The following TRPC4 variants were observed in gnomAD, a reference collection of about 807,000 sequenced individuals.
The protein encoded by TRPC4 is short transient receptor potential channel 4.
Under a neutral mutation model 99.4 loss-of-function variants are expected in TRPC4, and 49 were observed. That is an observed-to-expected ratio of 0.49 (90% CI 0.39 to 0.63). The LOEUF (loss-of-function observed/expected upper bound fraction) is 0.63, where lower values mean the gene tolerates loss of function less well. TRPC4 is among the 20% of genes least tolerant of loss of function. The probability of loss-of-function intolerance (pLI) is 0.00; values close to 1 mark genes in which losing one functional copy is unlikely to be tolerated. For synonymous variants in TRPC4, 454 were observed against 425.9 expected, an observed-to-expected ratio of 1.07 and a Z score of -0.81; for missense variants, 898 against 1,152.9, an observed-to-expected ratio of 0.78 and a Z score of 3.20.
intron 5 of TRPC4, among the ~76,000 whole-genome samples, chr13:37,668,137 G>T (rs1291085410): frequency 6.6e-6 from 1 of 152,182 alleles, no homozygotes; most frequent in Non-Finnish European, 1.5e-5. Flanking sequence ...AAGAAATCAA[G>T]AACTACTTTA....
intron 1 of TRPC4, among the ~76,000 whole-genome samples, chr13:37,807,892 A>C (rs1452729700): frequency 6.6e-6 from 1 of 152,026 alleles, no homozygotes; most frequent in African/African-American, 2.4e-5. Flanking sequence ...GCAAATTGTT[A>C]ATTTTAAGTG....
intron 3 of TRPC4, among the ~76,000 whole-genome samples, chr13:37,708,502 C>T (rs569965166): frequency 6.6e-6 from 1 of 151,928 alleles, no homozygotes; most frequent in East Asian, 1.9e-4. Flanking sequence ...TTTTTTCCTT[C>T]CCTAATTTCA....
rs370152461 is a variant in TRPC4 at position 37,643,974 on chromosome 13, T to G, written c.2080-4675A>C. Among the ~76,000 whole-genome samples the G allele has an allele frequency of 4.6e-5, 7 of 152,284 alleles. No homozygotes were observed. In the East Asian group the frequency reaches 1.4e-3, roughly 29 times the overall value. On this transcript the variant is annotated intron_variant, in intron 8 of 10. Coordinates refer to ENST00000379705, the MANE Select transcript of TRPC4 (RefSeq NM_016179.4). ...ACAAGGACCCTATTCTAGTATAATC[T>G]CGCCTTAACTAAGTATGTCTGCAAT...
chr13:37,776,722 C>T (rs74047173), intron 2 of TRPC4, among the ~76,000 whole-genome samples: 324 of 151,922 alleles, frequency 2.1e-3, no homozygotes, highest in African/African-American at 7.5e-3. Flanking sequence ...AAAGTTCATG[C>T]GATTGCAGAC....
intron 4 of TRPC4, among the ~76,000 whole-genome samples, chr13:37,686,444 C>T (rs1465260297): frequency 6.6e-6 from 1 of 151,068 alleles, no homozygotes; most frequent in Non-Finnish European, 1.5e-5. Context: ...TGTGTGTATA[C>T]ACACACATAT....
intron 3 of TRPC4, among the ~76,000 whole-genome samples, chr13:37,711,819 A>G (rs1169483065): frequency 6.6e-6 from 1 of 152,118 alleles, no homozygotes; most frequent in African/African-American, 2.4e-5. Flanking sequence ...ATGTTCTAAT[A>G]GACATATTTC....
chr13:37,836,077 T>A (rs913393425), intron 1 of TRPC4, among the ~76,000 whole-genome samples: 1 of 152,094 alleles, frequency 6.6e-6, no homozygotes, highest in African/African-American at 2.4e-5. Flanking sequence ...AAAGAGGAGT[T>A]CTCCTGCACG....
intron 8 of TRPC4, among the ~76,000 whole-genome samples, chr13:37,646,010 A>G (rs939423300): frequency 5.3e-5 from 8 of 152,244 alleles, no homozygotes; most frequent in African/African-American, 1.4e-4. Flanking sequence ...TAGGCCTACT[A>G]AGCGTCCTAA....
intron 3 of TRPC4, among the ~76,000 whole-genome samples, chr13:37,724,159 CAT>C (rs1194726353): frequency 6.6e-6 from 1 of 151,954 alleles, no homozygotes; most frequent in African/African-American, 2.4e-5. Context: ...ATCTCTAAGA[CAT>C]ATTTTTCAAA....
chr13:37,760,807 A>G (rs1327344353), intron 2 of TRPC4, among the ~76,000 whole-genome samples: 1 of 151,990 alleles, frequency 6.6e-6, no homozygotes, highest in Non-Finnish European at 1.5e-5. Flanking sequence ...AAAGGAAGCC[A>G]AACAATTAGA....
At position 37,775,597 on chromosome 13, in the gene TRPC4, C is replaced by A. The variant is rs79384175; in HGVS notation, c.378+7359G>T. ...TGAGATTATAAGACAAGATTAATATCTAAATATTTCTCTCTCTAAACTCTC... is the reference window on the plus strand; with the variant it reads ...TGAGATTATAAGACAAGATTAATATATAAATATTTCTCTCTCTAAACTCTC... On this transcript the variant is annotated intron_variant, in intron 2 of 10. Coordinates refer to ENST00000379705, the MANE Select transcript of TRPC4 (RefSeq NM_016179.4). Among the ~76,000 whole-genome samples, 122 of 151,628 alleles carry A rather than the reference C, an allele frequency of 8.0e-4. 8 individuals carry two copies. In the East Asian group the frequency reaches 0.012, roughly 14 times the overall value.
rs575070433 is a variant in TRPC4 at position 37,862,136 on chromosome 13, T to C, written c.-28+7459A>G. Among the ~76,000 whole-genome samples the C allele has an allele frequency of 1.5e-4, 23 of 151,584 alleles. No individual in the cohort carries two copies. The South Asian group carries it at 4.8e-3, about 31-fold the overall frequency. Reference sequence around the variant, plus strand: ...TACTCCTAGATTTCTCTAAATTTGATCTGACCTTCTAAGAATCTCTTAAGC... The same window carrying C: ...TACTCCTAGATTTCTCTAAATTTGACCTGACCTTCTAAGAATCTCTTAAGC... On this transcript the variant is annotated intron_variant, in intron 1 of 10. Coordinates refer to ENST00000379705, the MANE Select transcript of TRPC4 (RefSeq NM_016179.4).
At chr13:37,867,559 G>A (rs759161341) in intron 1 of TRPC4, among the ~76,000 whole-genome samples, 26 of 151,980 alleles carry the variant, frequency 1.7e-4, no homozygotes, top group Admixed American at 7.2e-4. Flanking sequence ...GATAGCATTT[G>A]ACTAGATGAT....
In TRPC4 at chr13:37,868,428, T is replaced by C. The variant is rs75459274; in HGVS notation, c.-28+1167A>G. 9.0e-3 allele frequency among the ~76,000 whole-genome samples: 1,372 copies of C among 152,080 alleles called. 40 individuals are homozygous for C. The East Asian group carries it at 0.1, about 11-fold the overall frequency. ...TGATGAAGATTTCAACATTTTAACATCTCCACCCACTCTTACTCTCAATGT... is the reference window on the plus strand; with the variant it reads ...TGATGAAGATTTCAACATTTTAACACCTCCACCCACTCTTACTCTCAATGT... On this transcript the variant is annotated intron_variant, in intron 1 of 10. Coordinates refer to ENST00000379705, the MANE Select transcript of TRPC4 (RefSeq NM_016179.4).
At chr13:37,648,235 C>T (rs1352068546) in intron 8 of TRPC4, among the ~76,000 whole-genome samples, 1 of 152,100 alleles carries the variant, frequency 6.6e-6, no homozygotes, top group African/African-American at 2.4e-5. Flanking sequence ...GCCGCCGCAC[C>T]CAGCGTTTCT....
intron 2 of TRPC4, among the ~76,000 whole-genome samples, chr13:37,749,961 C>T (rs1051441879): frequency 1.3e-5 from 2 of 152,108 alleles, no homozygotes; most frequent in African/African-American, 4.8e-5. Flanking sequence ...AGAGTGCCTG[C>T]ACCTCACAAG....
At chr13:37,821,980 G>C (rs578033083) in intron 1 of TRPC4, among the ~76,000 whole-genome samples, 12 of 151,840 alleles carry the variant, frequency 7.9e-5, no homozygotes, top group Non-Finnish European at 4.4e-5. Flanking sequence ...TTAAACCAAA[G>C]AACTTCACAC....
At chr13:37,694,717 T>C (rs901192155) in intron 3 of TRPC4, among the ~76,000 whole-genome samples, 1 of 152,210 alleles carries the variant, frequency 6.6e-6, no homozygotes, top group African/African-American at 2.4e-5. Flanking sequence ...TACGTAATTT[T>C]ACGTTAAACA....
chr13:37,814,180 A>C (rs756417007), intron 1 of TRPC4, among the ~76,000 whole-genome samples: 1 of 151,790 alleles, frequency 6.6e-6, no homozygotes, highest in South Asian at 2.1e-4. Flanking sequence ...GATTTCCTCA[A>C]TCTTGTAAAG....
Sources: gnomAD v4.1 joint callset for allele counts (sites outside exome capture counted in the v4.1 genomes callset) on GRCh38, gnomAD v4.1.1 for gene constraint, MANE v1.5 for transcripts, NCBI Gene and HGNC (gene_info 2026-07-23, HGNC 2026-07-21) for gene names.